Variants in CYLD observed in about 807,000 individuals in gnomAD.
CYLD encodes the protein ubiquitin carboxyl-terminal hydrolase CYLD.
In CYLD, 26 loss-of-function variants were observed where a neutral mutation model predicts 104.5. The observed-to-expected ratio is 0.25, with a 90% confidence interval of 0.18 to 0.35. CYLD has a LOEUF of 0.35. CYLD is among the 10% of genes least tolerant of loss of function. CYLD has a pLI of 1.00. For missense variants in CYLD, 703 were observed against 1,136.1 expected (o/e 0.62, Z 5.48); for synonymous variants, 385 against 399.9 (o/e 0.96, Z 0.45).
rs772603046 is a variant in CYLD, at chr16:50,781,397, G to A, written c.1670G>A (p.Arg557His). 1 of 1,613,538 alleles carries A rather than the reference G, an allele frequency of 6.2e-7. No individual in the cohort carries two copies. The highest frequency in any genetic ancestry group is 1.1e-5 in the South Asian group (1 of 91,050). ...SLQPVSNQIERCNSLAFGGYL... is the reference protein window; with the variant it reads ...SLQPVSNQIEHCNSLAFGGYL... ...CAGCCGGTTTCCAATCAGATTGAGC[G>A]CTGTAACTCTTTAGGTATTTGGATG... is the stretch of plus-strand genomic sequence containing the variant. Residue 557 changes from arginine to histidine, a missense_variant, in exon 10 of 19, where the codon CGC becomes CAC. Around this residue, in one of 5 missense-constraint regions of CYLD, gnomAD observed 125 missense variants for 325.4 expected, o/e 0.38. Coordinates refer to ENST00000427738, the MANE Select transcript of CYLD (RefSeq NM_001378743.1).
intron 5 of CYLD, among the ~76,000 whole-genome samples, chr16:50,771,387 C>T (rs1034250852): frequency 7.9e-5 from 12 of 152,072 alleles, no homozygotes; most frequent in Admixed American, 5.2e-4. Context: ...ATGGATCTGC[C>T]GTATTTTGTT....
chr16:50,795,315 C>T (rs2151043419), intron 18 of CYLD, among the ~76,000 whole-genome samples: 1 of 152,320 alleles, frequency 6.6e-6, no homozygotes, highest in South Asian at 2.1e-4. Flanking sequence ...GTATCTTTCT[C>T]CCTGAAGTGG....
intron 3 of CYLD, among the ~76,000 whole-genome samples, chr16:50,750,744 G>A (rs1412211492): frequency 6.6e-6 from 1 of 152,084 alleles, no homozygotes; most frequent in Admixed American, 6.5e-5. Context: ...GCTACCAGTT[G>A]TAAATAGTTA....
chr16:50,786,715 G>T, intron 12 of CYLD, 140 bp from the exon 13 acceptor site: 2 of 637,350 alleles, frequency 3.1e-6, no homozygotes, highest in Non-Finnish European at 5.4e-6. Context: ...AGCTGAGATC[G>T]GGCCACTGCA....
chr16:50,763,250 C>A (rs966654648), intron 5 of CYLD, among the ~76,000 whole-genome samples: 1 of 152,190 alleles, frequency 6.6e-6, no homozygotes, highest in Non-Finnish European at 1.5e-5. Context: ...GGACACATCA[C>A]ATGTTGTTTA....
Position 50,775,056 on chromosome 16 carries a change from C to A in CYLD, c.914-110C>A. On this transcript the variant is annotated intron_variant, in intron 5 of 18. Transcript: ENST00000427738. ...ATATAATTCATTTAGTAAATTTCCT[C>A]TTTTTTTAAGAAAAGTCTTTTCCTT... 4 of 906,718 alleles carry A rather than the reference C, an allele frequency of 4.4e-6. No homozygotes were observed. In the Admixed American group the frequency reaches 9.4e-5, roughly 21 times the overall value. 56.2% of individuals were successfully genotyped at this position (906,718 alleles called of 1,614,324 possible). A position where few individuals can be genotyped will look rare whatever the true frequency, so the allele number is the denominator to read the frequency against.
Position 50,801,190 on chromosome 16 carries a change from T to G in CYLD, c.*4682T>G, listed in dbSNP as rs1026727779. 1 of 233,372 alleles carries G rather than the reference T, an allele frequency of 4.3e-6. No individual in the cohort carries two copies. The highest frequency in any genetic ancestry group is 5.6e-5 in the Admixed American group (1 of 17,780). The allele number at this position is 233,372 out of a possible 1,614,324, so 14.5% of individuals were successfully genotyped here. On this transcript the variant is annotated 3_prime_UTR_variant, in exon 19 of 19. Transcript: ENST00000427738. ...CTGAAGGTTTTCTCTTGAGTCAGGA[T>G]GCAGTGGTAATGCATTAACCAGCAA...
chr16:50,750,737 A>G (rs1001645039), intron 3 of CYLD, among the ~76,000 whole-genome samples: 8 of 152,208 alleles, frequency 5.3e-5, no homozygotes, highest in African/African-American at 1.9e-4. Context: ...CATGAACGCT[A>G]CCAGTTGTAA....
At chr16:50,768,614 C>T (rs1010909768) in intron 5 of CYLD, among the ~76,000 whole-genome samples, 1 of 152,118 alleles carries the variant, frequency 6.6e-6, no homozygotes, top group African/African-American at 2.4e-5. Flanking sequence ...TATTTCTGTT[C>T]TAAATGGTTA....
chr16:50,797,987 T>C lies in CYLD; in HGVS notation c.*1479T>C, dbSNP rs558297227. On this transcript the variant is annotated 3_prime_UTR_variant, in exon 19 of 19. Transcript: ENST00000427738. ...AGGTTTTATACTGCTAAGTGCTTGG[T>C]TGGGGTGGTGAGATGATGATTAGAT... 18 of 232,048 alleles carry C rather than the reference T, an allele frequency of 7.8e-5. No individual in the cohort carries two copies. In the South Asian group the frequency reaches 1.6e-3, roughly 21 times the overall value. The allele number at this position is 232,048 out of a possible 1,614,324, so 14.4% of individuals were successfully genotyped here.
At chr16:50,775,890 A>G (rs1421711825) in intron 6 of CYLD, among the ~76,000 whole-genome samples, 1 of 152,222 alleles carries the variant, frequency 6.6e-6, no homozygotes, top group South Asian at 2.1e-4. Flanking sequence ...AAGAGATCAA[A>G]TAAAATTGAC....
intron 2 of CYLD, among the ~76,000 whole-genome samples, chr16:50,744,453 C>T (rs183902525): frequency 2.2e-3 from 336 of 152,322 alleles, no homozygotes; most frequent in Middle Eastern, 6.8e-3. Flanking sequence ...GGTGTTCAAG[C>T]TGACCTTCCT....
rs74757288 is a variant in CYLD at position 50,798,614 on chromosome 16, GAAAA to G, written c.*2119_*2122del. 1.4e-4 allele frequency: 29 copies of G among 205,936 alleles called. No individual in the cohort carries two copies. Among genetic ancestry groups the G allele is most frequent in the Middle Eastern group, 1.4e-3 (1 of 738 alleles). The allele number at this position is 205,936 out of a possible 1,614,324, so 12.8% of individuals were successfully genotyped here. On this transcript the variant is annotated 3_prime_UTR_variant, in exon 19 of 19. Transcript: ENST00000427738. ...TAGGTAAGACTGGATTTAACAGTTG[GAAAA>G]AAAAAAAAAAAAGGAGAGAGAAGAC... is the stretch of plus-strand genomic sequence containing the variant.
intron 5 of CYLD, among the ~76,000 whole-genome samples, chr16:50,762,380 T>G (rs1435041276): frequency 6.6e-6 from 1 of 152,260 alleles, no homozygotes; most frequent in Non-Finnish European, 1.5e-5. Context: ...GGATATGAAA[T>G]ATGGGTACAG....
chr16:50,748,764 G>A (rs1197393869), intron 2 of CYLD, among the ~76,000 whole-genome samples: 1 of 152,100 alleles, frequency 6.6e-6, no homozygotes, highest in South Asian at 2.1e-4. Flanking sequence ...GATGAACATT[G>A]CCCATCTTCA....
chr16:50,771,421 G>A (rs961543055), intron 5 of CYLD, among the ~76,000 whole-genome samples: 1 of 152,188 alleles, frequency 6.6e-6, no homozygotes, highest in African/African-American at 2.4e-5. Flanking sequence ...GTCGATGGAC[G>A]TCAGTTTCTA....
At chr16:50,791,483 C>T in intron 14 of CYLD, 75 bp from the exon 15 acceptor site, 5 of 1,526,528 alleles carry the variant, frequency 3.3e-6, no homozygotes. Context: ...TCAAATACTG[C>T]TGGGACAACT....
intron 7 of CYLD, among the ~76,000 whole-genome samples, chr16:50,777,134 C>G (rs1969771785): frequency 6.6e-6 from 1 of 152,120 alleles, no homozygotes; most frequent in East Asian, 1.9e-4. Context: ...GTACAGCTAC[C>G]TGCTTTAATT....
chr16:50,792,432 T>C (rs1971521655), intron 15 of CYLD, among the ~76,000 whole-genome samples, 165 bp from the exon 16 acceptor site: 1 of 152,228 alleles, frequency 6.6e-6, no homozygotes, highest in Non-Finnish European at 1.5e-5. Context: ...TTGTGGCTTA[T>C]TGGTGTCCTC....
Sources: gnomAD v4.1 joint callset for allele counts (sites outside exome capture counted in the v4.1 genomes callset) on GRCh38, gnomAD v4.1.1 for gene constraint, gnomAD v4.1.1 regional missense constraint, MANE v1.5 for transcripts, NCBI Gene and HGNC (gene_info 2026-07-23, HGNC 2026-07-21) for gene names.